VSTM5: variants seen among roughly 807,000 people sequenced by gnomAD.
VSTM5 encodes V-set and transmembrane domain containing 5.
In VSTM5, 21 loss-of-function variants were observed where a neutral mutation model predicts 20.3. The observed-to-expected ratio is 1.03, with a 90% CI of 0.73 to 1.49. The LOEUF is 1.49. Ranked by LOEUF, VSTM5 falls within the 40% of genes most tolerant of loss-of-function variation. VSTM5 has a pLI of 0.00. For missense variants in VSTM5, 219 were observed against 250.0 expected, an observed-to-expected ratio of 0.88 and a Z score of 0.84; for synonymous variants, 100 against 102.5, an observed-to-expected ratio of 0.98 and a Z score of 0.14.
In VSTM5 at chr11:93,821,052, G is replaced by A. The variant is rs531237300; in HGVS notation, c.363C>T (p.Thr121=). ...GVRDSGYYVI[T]VTERLGSSQF... is the part of the protein sequence containing the mutation. ...GGCTGCTCCCCAGGCGCTCCGTCAC[G>A]GTGATGACATAGTAGCCGGAATCCC... is the stretch of plus-strand genomic sequence containing the variant. The change falls in exon 2 of 4, where the codon ACC becomes ACT. Residue 121 remains threonine, a synonymous_variant. Coordinates refer to ENST00000409977, the MANE Select transcript of VSTM5 (RefSeq NM_001144871.2). 1.2e-5 allele frequency: 18 copies of A among 1,551,740 alleles called. No individual in the cohort carries two copies. The highest frequency in any genetic ancestry group is 1.7e-4 in the Middle Eastern group (1 of 5,992).
chr11:93,839,938 C>G (rs997464828), intron 1 of VSTM5, among the ~76,000 whole-genome samples: 1 of 152,168 alleles, frequency 6.6e-6, no homozygotes, highest in Non-Finnish European at 1.5e-5. Flanking sequence ...TAGAGACATA[C>G]ATGCACGTGG....
At chr11:93,844,010 C>A (rs1944392579) in intron 1 of VSTM5, among the ~76,000 whole-genome samples, 1 of 152,216 alleles carries the variant, frequency 6.6e-6, no homozygotes, top group Non-Finnish European at 1.5e-5. Flanking sequence ...ACAGCTCACA[C>A]CAGCCTTCCA....
rs138134452 is a variant in VSTM5 at position 93,849,272 on chromosome 11, G to A, written c.91+1140C>T. On this transcript the variant is annotated intron_variant, in intron 1 of 3. Transcript: ENST00000409977. Reference sequence around the variant, plus strand: ...GTGATCCTTTCACCTCAGCTCCCCCGCCGCCCACCCCAGTAGCTGGGCCTA... The same window carrying A: ...GTGATCCTTTCACCTCAGCTCCCCCACCGCCCACCCCAGTAGCTGGGCCTA... 2.5e-3 allele frequency among the ~76,000 whole-genome samples: 383 copies of A among 152,000 alleles called. 2 individuals are homozygous for A. Among genetic ancestry groups the A allele is most frequent in the Non-Finnish European group, 4.5e-3 (308 of 67,950 alleles).
At chr11:93,826,360 A>G (rs577960226) in intron 1 of VSTM5, among the ~76,000 whole-genome samples, 3 of 152,178 alleles carry the variant, frequency 2.0e-5, no homozygotes, top group Admixed American at 2.0e-4. Context: ...GTTTTCTAAT[A>G]CTTCCTTGAA....
intron 1 of VSTM5, among the ~76,000 whole-genome samples, chr11:93,830,700 T>A (rs924480425): frequency 4.0e-5 from 6 of 151,750 alleles, no homozygotes; most frequent in African/African-American, 1.2e-4. Context: ...CAGCCCCAAG[T>A]CTGCTGAGAG....
At position 93,842,586 on chromosome 11, in the gene VSTM5, G is replaced by A. The variant is rs549599362; in HGVS notation, c.91+7826C>T. Among the ~76,000 whole-genome samples the A allele has an allele frequency of 2.7e-4, 41 of 152,380 alleles. No individual in the cohort carries two copies. In the South Asian group the frequency reaches 8.5e-3, roughly 32 times the overall value. On this transcript the variant is annotated intron_variant, in intron 1 of 3. Transcript: ENST00000409977. Reference sequence around the variant, plus strand: ...CTCACCCTGCACCAGTGTGCAAGGGGTTGGGGAGCTGGCTGGGTTTGCCGT... The same window carrying A: ...CTCACCCTGCACCAGTGTGCAAGGGATTGGGGAGCTGGCTGGGTTTGCCGT...
At position 93,820,761 on chromosome 11, in the gene VSTM5, T is replaced by C. The variant is rs1262836967; in HGVS notation, c.541A>G (p.Arg181Gly). Residue 181 changes from arginine to glycine, a missense_variant, in exon 3 of 4, where the codon AGA becomes GGA. Transcript: ENST00000409977. ...GGGTTACCTTTGAGTTTGTGTCTTC[T>C]CTTCCTCTGAAATTTATATGCACAC... is the stretch of plus-strand genomic sequence containing the variant. ...NKCAYKFQRK[R>G]RHKLKESTTE... is the part of the protein sequence containing the mutation. 1 of 1,551,726 alleles carries C rather than the reference T, an allele frequency of 6.4e-7. No homozygotes were observed. Among genetic ancestry groups the C allele is most frequent in the Admixed American group, 2.0e-5 (1 of 51,008 alleles).
At chr11:93,821,439 G>A (rs1356162399) in intron 1 of VSTM5, 116 bp from the exon 2 acceptor site, 2 of 1,008,558 alleles carry the variant, frequency 2.0e-6, no homozygotes, top group Non-Finnish European at 2.9e-6. Flanking sequence ...TATATGCCAG[G>A]AACTGTTCTA....
chr11:93,825,176 G>GT (rs1393905783), intron 1 of VSTM5, among the ~76,000 whole-genome samples: 3 of 152,202 alleles, frequency 2.0e-5, no homozygotes, highest in Non-Finnish European at 2.9e-5. Context: ...ATTTGATGTG[G>GT]TTTTTTCTTG....
intron 1 of VSTM5, among the ~76,000 whole-genome samples, chr11:93,827,106 G>A (rs1355987805): frequency 1.3e-5 from 2 of 152,126 alleles, no homozygotes; most frequent in African/African-American, 4.8e-5. Flanking sequence ...ATAACAGGCC[G>A]GACACGGTGG....
chr11:93,843,751 C>T (rs1236123942), intron 1 of VSTM5, among the ~76,000 whole-genome samples: 1 of 152,198 alleles, frequency 6.6e-6, no homozygotes, highest in African/African-American at 2.4e-5. Flanking sequence ...CTAAGCCACA[C>T]ATCTAGCTGT....
chr11:93,847,102 CT>C (rs1057387745), intron 1 of VSTM5, among the ~76,000 whole-genome samples: 1 of 152,072 alleles, frequency 6.6e-6, no homozygotes, highest in Non-Finnish European at 1.5e-5. Context: ...TGGAAACTCA[CT>C]TTTTTTCCAG....
intron 1 of VSTM5, among the ~76,000 whole-genome samples, chr11:93,843,982 C>T (rs1944392261): frequency 6.6e-6 from 1 of 152,186 alleles, no homozygotes; most frequent in Non-Finnish European, 1.5e-5. Flanking sequence ...CTGCCAGGCC[C>T]CACTAGGCTC....
intron 1 of VSTM5, among the ~76,000 whole-genome samples, chr11:93,825,653 A>G (rs965885082): frequency 3.3e-5 from 5 of 151,886 alleles, no homozygotes; most frequent in Non-Finnish European, 7.4e-5. Context: ...AGTTTTCAGT[A>G]TATAGACTTC....
intron 1 of VSTM5, chr11:93,827,784 A>T (rs1032417494): frequency 1.3e-5 from 2 of 151,998 alleles, no homozygotes; most frequent in African/African-American, 4.8e-5. Context: ...TGAGCTTTGT[A>T]TGGGCAAGGA....
intron 1 of VSTM5, among the ~76,000 whole-genome samples, chr11:93,838,648 A>G (rs1944343932): frequency 6.6e-6 from 1 of 151,138 alleles, no homozygotes; most frequent in African/African-American, 2.4e-5. Context: ...AAAAAAAAAA[A>G]AAAGCTGGGT....
Position 93,833,543 on chromosome 11 carries a change from G to A in VSTM5, c.92-12220C>T, listed in dbSNP as rs150647263. 2.8e-4 allele frequency among the ~76,000 whole-genome samples: 43 copies of A among 152,310 alleles called. No individual in the cohort carries two copies. In the East Asian group the frequency reaches 6.0e-3, roughly 21 times the overall value. ...TGCAGTGAGCTGCATTTCAGTCTGGGTGACACAGTGAGACCCTGTCTCAAA... is the reference window on the plus strand; with the variant it reads ...TGCAGTGAGCTGCATTTCAGTCTGGATGACACAGTGAGACCCTGTCTCAAA... On this transcript the variant is annotated intron_variant, in intron 1 of 3. Transcript: ENST00000409977.
chr11:93,834,781 TCAAAAAAAAAAA>T (rs1363655739), intron 1 of VSTM5, among the ~76,000 whole-genome samples: 6,240 of 71,056 alleles, frequency 0.088, 416 homozygotes, highest in African/African-American at 0.35. Flanking sequence ...AGACTCCGTC[TCAAAAAAAAAAA>T]AAAAAAAAAA....
chr11:93,846,987 G>A (rs575128117), intron 1 of VSTM5, among the ~76,000 whole-genome samples: 1 of 151,880 alleles, frequency 6.6e-6, no homozygotes, highest in Non-Finnish European at 1.5e-5. Flanking sequence ...GGATGGTCTC[G>A]ATCTCTTGAC....
Sources: gnomAD v4.1 joint callset for allele counts (sites outside exome capture counted in the v4.1 genomes callset) on GRCh38, gnomAD v4.1.1 for gene constraint, MANE v1.5 for transcripts, NCBI Gene and HGNC (gene_info 2026-07-23, HGNC 2026-07-21) for gene names.